The following CELF2 variants were observed in gnomAD, a reference collection of about 807,000 sequenced individuals.
CELF2 encodes CUGBP Elav-like family member 2.
CELF2 carries 8 observed loss-of-function variants against 62.6 expected under a neutral mutation model. That is an observed-to-expected ratio of 0.13 (90% CI 0.07 to 0.23). The LOEUF is 0.23. Ranked by LOEUF, CELF2 falls within the 10% of genes least tolerant of loss-of-function variation. The probability of loss-of-function intolerance (pLI) is 1.00; values close to 1 mark genes in which losing one functional copy is unlikely to be tolerated. For synonymous variants in CELF2, 258 were observed against 250.0 expected, an observed-to-expected ratio of 1.03 and a Z score of -0.30; for missense variants, 333 against 671.0, an observed-to-expected ratio of 0.50 and a Z score of 5.56.
At chr10:11,263,374 G>T (rs1590107972) in intron 5 of CELF2, among the ~76,000 whole-genome samples, 1 of 151,842 alleles carries the variant, frequency 6.6e-6, no homozygotes, top group Non-Finnish European at 1.5e-5. Context: ...TATACATGTT[G>T]TCTTACCAAA....
At chr10:10,816,038 A>C (rs546708082) in intron 1 of CELF2, among the ~76,000 whole-genome samples, 2 of 152,206 alleles carry the variant, frequency 1.3e-5, no homozygotes, top group East Asian at 3.9e-4. Flanking sequence ...ATCCTCCTAC[A>C]TAGACCTTTT....
At chr10:11,213,380 A>C (rs531648944) in intron 2 of CELF2, among the ~76,000 whole-genome samples, 3 of 152,334 alleles carry the variant, frequency 2.0e-5, no homozygotes, top group Admixed American at 6.5e-5. Flanking sequence ...CCTGAGTTAC[A>C]GCTGGCGTGG....
chr10:10,620,091 C>T, the CELF2 span, among the ~76,000 whole-genome samples: 3 of 152,184 alleles, frequency 2.0e-5, no homozygotes, highest in Admixed American at 6.5e-5. Context: ...GTTTCTAATA[C>T]TTCCTATCAG....
At chr10:10,592,049 T>C in the CELF2 span, among the ~76,000 whole-genome samples, 1 of 152,192 alleles carries the variant, frequency 6.6e-6, no homozygotes, top group African/African-American at 2.4e-5. Context: ...ATCAACATAC[T>C]ACTTTCAAGT....
chr10:10,536,740 T>C, the CELF2 span, among the ~76,000 whole-genome samples: 1 of 152,204 alleles, frequency 6.6e-6, no homozygotes, highest in Non-Finnish European at 1.5e-5. Flanking sequence ...AGAGAGAATT[T>C]AATACAAGGA....
the CELF2 span, among the ~76,000 whole-genome samples, chr10:10,587,840 GT>G: frequency 6.6e-6 from 1 of 152,108 alleles, no homozygotes. Context: ...TGACTACTGT[GT>G]AAAACTAGCT....
At chr10:10,882,903 T>C (rs747965040) in intron 1 of CELF2, among the ~76,000 whole-genome samples, 1 of 152,204 alleles carries the variant, frequency 6.6e-6, no homozygotes. Context: ...TATAATAATA[T>C]GATCTTGTCA....
chr10:10,807,852 G>C (rs2055396258), intron 1 of CELF2, among the ~76,000 whole-genome samples: 1 of 152,118 alleles, frequency 6.6e-6, no homozygotes, highest in Non-Finnish European at 1.5e-5. Context: ...TTCTCTGCTA[G>C]AGTTATGGAA....
the CELF2 span, among the ~76,000 whole-genome samples, chr10:10,473,461 AC>A: frequency 1.3e-5 from 2 of 152,072 alleles, no homozygotes; most frequent in African/African-American, 4.8e-5. Flanking sequence ...AATTTGTGGT[AC>A]TTTTTTCAAC....
the CELF2 span, among the ~76,000 whole-genome samples, chr10:10,551,841 T>A: frequency 6.6e-6 from 1 of 152,160 alleles, no homozygotes; most frequent in African/African-American, 2.4e-5. Flanking sequence ...TCCTCTGTCA[T>A]CCAGCTCACT....
At chr10:11,266,044 G>A (rs2248247) in intron 5 of CELF2, among the ~76,000 whole-genome samples, 7,477 of 152,166 alleles carry the variant, frequency 0.049, 290 homozygotes, top group African/African-American at 0.11. Flanking sequence ...AACAATTTAT[G>A]TTTATACATA....
At position 11,220,530 on chromosome 10, in the gene CELF2, T is replaced by C. The variant is rs1325512239; in HGVS notation, c.354+3023T>C. ...TGGGGCTGGAGAAACGACTCCCAGA[T>C]TGAGGTGACAGATCAGGGCTCTTAC... On this transcript the variant is annotated intron_variant, in intron 3 of 12. Coordinates refer to ENST00000633077, the MANE Select transcript of CELF2 (RefSeq NM_001326342.2). This position sits in a 1 kb window ranked among gnomAD's most constrained non-coding sequence, Gnocchi z 4.4. Among the ~76,000 whole-genome samples the C allele has an allele frequency of 6.6e-6, 1 of 152,240 alleles. No homozygotes were observed. The highest frequency in any genetic ancestry group is 2.4e-5 in the African/African-American group (1 of 41,470).
At chr10:10,682,419 G>T in the CELF2 span, among the ~76,000 whole-genome samples, 1 of 152,156 alleles carries the variant, frequency 6.6e-6, no homozygotes, top group East Asian at 1.9e-4. Context: ...CAAATTGGAG[G>T]ACTGTGCTTC....
Position 11,232,412 on chromosome 10 carries a change from C to T in CELF2, c.354+14905C>T, listed in dbSNP as rs551575680. On this transcript the variant is annotated intron_variant, in intron 3 of 12. Coordinates refer to ENST00000633077, the MANE Select transcript of CELF2 (RefSeq NM_001326342.2). ...TGTCTCTGAGTCAGATGACTCGAGTCTCCTTCACCCGTGATCTTGGGGGGA... is the reference window on the plus strand; with the variant it reads ...TGTCTCTGAGTCAGATGACTCGAGTTTCCTTCACCCGTGATCTTGGGGGGA... Among the ~76,000 whole-genome samples, 6 of 152,256 alleles carry T rather than the reference C, an allele frequency of 3.9e-5. No individual in the cohort carries two copies. The East Asian group carries it at 1.2e-3, about 29-fold the overall frequency.
In CELF2 at chr10:11,008,443, C is replaced by A. The variant is rs2055718268; in HGVS notation, c.53+3003C>A. 6.6e-6 allele frequency among the ~76,000 whole-genome samples: 1 copy of A among 152,114 alleles called. No homozygotes were observed. The highest frequency in any genetic ancestry group is 1.5e-5 in the Non-Finnish European group (1 of 68,014). Reference sequence around the variant, plus strand: ...GCTTTTTTTAAAATAGGAGGGTATACATTTGCAAAAATCTCCTTTTGGGGC... The same window carrying A: ...GCTTTTTTTAAAATAGGAGGGTATAAATTTGCAAAAATCTCCTTTTGGGGC... On this transcript the variant is annotated intron_variant, in intron 1 of 12. Transcript: ENST00000416382. This position sits in a 1 kb window ranked among gnomAD's most constrained non-coding sequence, Gnocchi z 4.5.
intron 1 of CELF2, among the ~76,000 whole-genome samples, chr10:11,025,578 G>A (rs2059066519): frequency 6.6e-6 from 1 of 152,208 alleles, no homozygotes; most frequent in South Asian, 2.1e-4. Context: ...TTAACTGTGA[G>A]TTGAGTAAAA....
chr10:10,890,282 A>C (rs952164523), intron 1 of CELF2, among the ~76,000 whole-genome samples: 8 of 152,190 alleles, frequency 5.3e-5, no homozygotes, highest in Non-Finnish European at 7.3e-5. Context: ...GGATCGCTCA[A>C]AGGTGAATTG....
chr10:11,266,476 A>G (rs2082218308), intron 5 of CELF2, 122 bp from the exon 6 acceptor site: 1 of 600,122 alleles, frequency 1.7e-6, no homozygotes, highest in Non-Finnish European at 2.9e-6. Context: ...ATTTTTATGT[A>G]CTACTGAGAA....
chr10:11,011,252 C>T lies in CELF2; in HGVS notation c.53+5812C>T, dbSNP rs1181061457. 1 of 151,986 alleles carries T rather than the reference C, an allele frequency of 6.6e-6. No homozygotes were observed. Among genetic ancestry groups the T allele is most frequent in the Non-Finnish European group, 1.5e-5 (1 of 67,984 alleles). 9.4% of individuals were successfully genotyped at this position (151,986 alleles called of 1,614,324 possible). On this transcript the variant is annotated intron_variant, in intron 1 of 12. Transcript: ENST00000416382. This position sits in a 1 kb window ranked among gnomAD's most constrained non-coding sequence, Gnocchi z 4.6. ...CAATGAAAACCAAGCAAGTAACAAACATACATGCAGTGCTCAATGAAAGAC... is the reference window on the plus strand; with the variant it reads ...CAATGAAAACCAAGCAAGTAACAAATATACATGCAGTGCTCAATGAAAGAC...
Sources: allele counts gnomAD v4.1 joint callset (sites outside exome capture counted in the v4.1 genomes callset), GRCh38; gene constraint gnomAD v4.1.1; non-coding constraint Gnocchi (gnomAD v3.1); transcripts MANE v1.5; gene names NCBI Gene and HGNC (gene_info 2026-07-23, HGNC 2026-07-21).